Variants in CASP14 observed in about 807,000 individuals in gnomAD.
CASP14 encodes the protein caspase 14.
A neutral mutation model predicts 28.4 loss-of-function variants in CASP14; 27 were observed. The observed-to-expected ratio is 0.95, with a 90% CI of 0.70 to 1.31. The LOEUF is 1.31. Among genes scored for constraint, CASP14 ranks in the 50% most tolerant of loss-of-function variants. The probability of loss-of-function intolerance (pLI) is 0.00; values close to 1 mark genes in which losing one functional copy is unlikely to be tolerated. For missense variants in CASP14, 323 were observed against 312.8 expected (o/e 1.03, Z -0.25); for synonymous variants, 115 against 118.6 (o/e 0.97, Z 0.20).
Position 15,053,479 on chromosome 19 carries a change from C to T in CASP14, c.28-3C>T. The T allele has an allele frequency of 6.2e-7, 1 of 1,614,118 alleles. No homozygotes were observed. The highest frequency in any genetic ancestry group is 1.1e-5 in the South Asian group (1 of 91,080). The stretch of plus-strand genomic sequence containing the variant: ...GCTGATTTCTGTCTTCTCTTGGCCC[C>T]AGGAGAAATATGATATGTCAGGTGC... On this transcript the variant is annotated splice_polypyrimidine_tract_variant and splice_region_variant and intron_variant, in intron 2 of 6. Transcript: ENST00000427043.
intron 4 of CASP14, 36 bp from the exon 5 acceptor site, chr19:15,055,122 C>G (rs2046109792): frequency 1.3e-6 from 2 of 1,555,572 alleles, no homozygotes; most frequent in Non-Finnish European, 1.8e-6. Context: ...TTACCTTTCT[C>G]TCTGACTTTG....
chr19:15,054,353 A>C (rs1333590362), intron 4 of CASP14, among the ~76,000 whole-genome samples: 1 of 152,202 alleles, frequency 6.6e-6, no homozygotes, highest in Non-Finnish European at 1.5e-5. Flanking sequence ...CCAGGCGGGA[A>C]GATTTTTTGA....
At chr19:15,052,033 G>C (rs2046093374) in intron 1 of CASP14, among the ~76,000 whole-genome samples, 173 bp from the exon 2 acceptor site, 1 of 152,130 alleles carries the variant, frequency 6.6e-6, no homozygotes, top group Non-Finnish European at 1.5e-5. Context: ...TTCTAGGGGT[G>C]ATATATTACT....
chr19:15,053,424 C>G, intron 2 of CASP14, 58 bp from the exon 3 acceptor site: 1 of 1,606,660 alleles, frequency 6.2e-7, no homozygotes, highest in East Asian at 2.2e-5. Flanking sequence ...CCTCTTTTGA[C>G]TACATCTGCT....
At position 15,055,425 on chromosome 19, in the gene CASP14, C is replaced by T; in HGVS notation, c.521-5C>T. 1 of 1,613,626 alleles carries T rather than the reference C, an allele frequency of 6.2e-7. No individual in the cohort carries two copies. The highest frequency in any genetic ancestry group is 8.5e-7 in the Non-Finnish European group (1 of 1,179,610). The stretch of plus-strand genomic sequence containing the variant: ...CCCCCGAACCCACCTCTCTGGAATT[C>T]CCAGGATACATCGCCTACCGACATG... On this transcript the variant is annotated splice_region_variant and splice_polypyrimidine_tract_variant and intron_variant, in intron 5 of 6. Transcript: ENST00000427043.
chr19:15,052,036 A>G (rs1028715405), intron 1 of CASP14, among the ~76,000 whole-genome samples, 170 bp from the exon 2 acceptor site: 1 of 152,174 alleles, frequency 6.6e-6, no homozygotes, highest in South Asian at 2.1e-4. Context: ...TAGGGGTGAT[A>G]TATTACTACT....
At chr19:15,050,638 AG>A (rs941036854) in intron 1 of CASP14, among the ~76,000 whole-genome samples, 12 of 151,944 alleles carry the variant, frequency 7.9e-5, no homozygotes, top group Non-Finnish European at 1.5e-4. Flanking sequence ...GAATAGATGG[AG>A]GGATGGAAGA....
intron 1 of CASP14, among the ~76,000 whole-genome samples, chr19:15,051,279 A>G (rs1233568513): frequency 6.6e-6 from 1 of 151,582 alleles, no homozygotes; most frequent in Non-Finnish European, 1.5e-5. Context: ...TGGGCAGATC[A>G]TGAGGTCAGG....
chr19:15,054,175 T>C (rs2046105151), intron 4 of CASP14, among the ~76,000 whole-genome samples: 1 of 151,958 alleles, frequency 6.6e-6, no homozygotes, highest in Admixed American at 6.6e-5. Context: ...GGTCTGATTA[T>C]GTTGCCCAGG....
In CASP14 at chr19:15,053,465, T is replaced by C. The variant is rs2046100137; in HGVS notation, c.28-17T>C. ...TTGAACCTCTCCATGCTGATTTCTG[T>C]CTTCTCTTGGCCCCAGGAGAAATAT... On this transcript the variant is annotated splice_polypyrimidine_tract_variant and intron_variant, in intron 2 of 6. Coordinates refer to ENST00000427043, the MANE Select transcript of CASP14 (RefSeq NM_012114.3). 6.2e-7 allele frequency: 1 copy of C among 1,613,850 alleles called. No homozygotes were observed. Among genetic ancestry groups the C allele is most frequent in the African/African-American group, 1.3e-5 (1 of 74,882 alleles).
rs1179388929 is a variant in CASP14 at position 15,053,770 on chromosome 19, T to C, written c.215T>C (p.Ile72Thr). The change falls in exon 4 of 7, where the codon ATC becomes ACC. Residue 72 changes from isoleucine to threonine, a missense_variant. Coordinates refer to ENST00000427043, the MANE Select transcript of CASP14 (RefSeq NM_012114.3). ...QEELEKFQQAIDSREDPVSCA... is the reference protein window; with the variant it reads ...QEELEKFQQATDSREDPVSCA... ...GAGCTGGAAAAATTCCAGCAGGCCATCGATTCCCGGGAAGATCCCGTCAGT... is the reference window on the plus strand; with the variant it reads ...GAGCTGGAAAAATTCCAGCAGGCCACCGATTCCCGGGAAGATCCCGTCAGT... 6.2e-7 allele frequency: 1 copy of C among 1,613,714 alleles called. No individual in the cohort carries two copies. Among genetic ancestry groups the C allele is most frequent in the African/African-American group, 1.3e-5 (1 of 74,902 alleles).
rs2046102831 is a variant in CASP14 at position 15,053,791 on chromosome 19, T to G, written c.236T>G (p.Val79Gly). The change falls in exon 4 of 7, where the codon GTC (valine) becomes GGC (glycine). Residue 79 changes from valine (V) to glycine (G), a missense_variant. Val to Gly is a moderately radical substitution (Grantham distance 109). Coordinates refer to ENST00000427043, the MANE Select transcript of CASP14 (RefSeq NM_012114.3). ...GCCATCGATTCCCGGGAAGATCCCGTCAGTTGTGCCTTCGTGGTACTCATG... is the reference window on the plus strand; with the variant it reads ...GCCATCGATTCCCGGGAAGATCCCGGCAGTTGTGCCTTCGTGGTACTCATG... Reference protein sequence around the residue: ...QQAIDSREDPVSCAFVVLMAH... With the variant: ...QQAIDSREDPGSCAFVVLMAH... 1.9e-6 allele frequency: 3 copies of G among 1,613,934 alleles called. No individual in the cohort carries two copies. The highest frequency in any genetic ancestry group is 2.5e-6 in the Non-Finnish European group (3 of 1,180,018).
In CASP14 at chr19:15,057,723, T is replaced by TAAA; in HGVS notation, c.*1643_*1645dup. ...GGGCAACACAGCAAGACCCTGTCTC[T>TAAA]AAAAAAAAAAATTAATTAACTGGGT... On this transcript the variant is annotated 3_prime_UTR_variant, in exon 7 of 7. Coordinates refer to ENST00000427043, the MANE Select transcript of CASP14 (RefSeq NM_012114.3). 1 of 147,672 alleles carries TAAA rather than the reference T, an allele frequency of 6.8e-6. No homozygotes were observed. Among genetic ancestry groups the TAAA allele is most frequent in the Non-Finnish European group, 1.5e-5 (1 of 66,596 alleles). 9.1% of individuals were successfully genotyped at this position (147,672 alleles called of 1,614,324 possible). A position where few individuals can be genotyped will look rare whatever the true frequency, so the allele number is the denominator to read the frequency against.
At chr19:15,049,880 C>T (rs1365366357) in intron 1 of CASP14, among the ~76,000 whole-genome samples, 1 of 152,070 alleles carries the variant, frequency 6.6e-6, no homozygotes, top group Non-Finnish European at 1.5e-5. Context: ...CTCTCCAACA[C>T]CACCTCTGTG....
intron 5 of CASP14, 40 bp downstream of exon 5, chr19:15,055,314 C>A: frequency 6.3e-7 from 1 of 1,575,632 alleles, no homozygotes; most frequent in Non-Finnish European, 8.7e-7. Context: ...CTCTGCTCTT[C>A]CCCCTCTCCT....
rs1436357393 is a variant in CASP14, at chr19:15,058,290, G to C, written c.*2201G>C. 1 of 152,222 alleles carries C rather than the reference G, an allele frequency of 6.6e-6. No individual in the cohort carries two copies. The highest frequency in any genetic ancestry group is 2.4e-5 in the African/African-American group (1 of 41,454). 9.4% of individuals were successfully genotyped at this position (152,222 alleles called of 1,614,324 possible). A position where few individuals can be genotyped will look rare whatever the true frequency, so the allele number is the denominator to read the frequency against. On this transcript the variant is annotated 3_prime_UTR_variant, in exon 7 of 7. Coordinates refer to ENST00000427043, the MANE Select transcript of CASP14 (RefSeq NM_012114.3). ...GTTCAATAAACAGTTGTCAAACTTT[G>C]AAAGAAAGTGTTGAAATCTTTGTTC...
intron 1 of CASP14, among the ~76,000 whole-genome samples, chr19:15,050,114 A>G (rs923539553): frequency 1.3e-5 from 2 of 152,132 alleles, no homozygotes; most frequent in African/African-American, 2.4e-5. Context: ...GCTGTTAAGC[A>G]CCTAGAGCTC....
rs1427515311 is a variant in CASP14 at position 15,049,504 on chromosome 19, C to A, written c.-188C>A. On this transcript the variant is annotated 5_prime_UTR_variant, in exon 1 of 7. Coordinates refer to ENST00000427043, the MANE Select transcript of CASP14 (RefSeq NM_012114.3). ...CATAGACCAGGCTTCTCAGGAGAAA[C>A]CCCGGGAGATTCCACACTGTCAGCC... is the stretch of plus-strand genomic sequence containing the variant. 1 of 152,108 alleles carries A rather than the reference C, an allele frequency of 6.6e-6. No homozygotes were observed. The highest frequency in any genetic ancestry group is 1.5e-5 in the Non-Finnish European group (1 of 68,042). 9.4% of individuals were successfully genotyped at this position (152,108 alleles called of 1,614,324 possible). A position where few individuals can be genotyped will look rare whatever the true frequency, so the allele number is the denominator to read the frequency against.
Position 15,053,546 on chromosome 19 carries a change from G to C in CASP14, c.92G>C (p.Gly31Ala), listed in dbSNP as rs150848274. The C allele has an allele frequency of 6.2e-7, 1 of 1,614,178 alleles. No individual in the cohort carries two copies. The highest frequency in any genetic ancestry group is 1.1e-5 in the South Asian group (1 of 91,082). Residue 31 changes from glycine (G) to alanine (A), a missense_variant, in exon 3 of 7, where the codon GGT becomes GCT. Gly to Ala is a moderately conservative substitution (Grantham distance 60, BLOSUM62 0). Transcript: ENST00000427043. ...LILCVTKARE[G>A]SEEDLDALEH... ...CTGTGTGTCACCAAAGCCCGGGAAGGTTCCGAAGAAGACCTGGATGCTCTG... is the reference window on the plus strand; with the variant it reads ...CTGTGTGTCACCAAAGCCCGGGAAGCTTCCGAAGAAGACCTGGATGCTCTG...
Sources: allele counts gnomAD v4.1 joint callset (sites outside exome capture counted in the v4.1 genomes callset), GRCh38; gene constraint gnomAD v4.1.1; transcripts MANE v1.5; gene names NCBI Gene and HGNC (gene_info 2026-07-23, HGNC 2026-07-21).